The following PREX1 variants were observed in gnomAD, a reference collection of about 807,000 sequenced individuals.
PREX1 encodes phosphatidylinositol-3,4,5-trisphosphate dependent Rac exchange factor 1, also known as phosphatidylinositol 3,4,5-trisphosphate-dependent Rac exchanger 1 protein.
In PREX1, 41 loss-of-function variants were observed where a neutral mutation model predicts 198.3. The observed-to-expected ratio is 0.21, with a 90% confidence interval of 0.16 to 0.27. The LOEUF (loss-of-function observed/expected upper bound fraction) is 0.27, where lower values mean the gene tolerates loss of function less well. Among genes scored for constraint, PREX1 ranks in the 10% least tolerant of loss-of-function variants. PREX1 has a pLI of 1.00. For missense variants in PREX1, 1,620 were observed against 2,200.7 expected (o/e 0.74, Z 5.28); for synonymous variants, 843 against 887.2 (o/e 0.95, Z 0.89).
intron 1 of PREX1, among the ~76,000 whole-genome samples, chr20:48,770,936 G>A (rs1384280615): frequency 6.6e-6 from 1 of 152,204 alleles, no homozygotes; most frequent in African/African-American, 2.4e-5. Context: ...CTGGGCATCT[G>A]CCTTGTTAAC....
At chr20:48,767,470 C>A (rs2090214026) in intron 1 of PREX1, among the ~76,000 whole-genome samples, 1 of 152,162 alleles carries the variant, frequency 6.6e-6, no homozygotes, top group Non-Finnish European at 1.5e-5. Context: ...CAAGTCCCCA[C>A]CTGTCAGCGG....
At chr20:48,753,237 G>A (rs1371839730) in intron 1 of PREX1, among the ~76,000 whole-genome samples, 2 of 152,140 alleles carry the variant, frequency 1.3e-5, no homozygotes, top group Non-Finnish European at 2.9e-5. Flanking sequence ...TCTCCAACAA[G>A]CTCCCACTTA....
In PREX1 at chr20:48,642,245, T is replaced by C. The variant is rs142540700; in HGVS notation, c.3698A>G (p.Asn1233Ser). 3.1e-4 allele frequency: 508 copies of C among 1,614,180 alleles called. 2 individuals carry two copies. Among genetic ancestry groups the C allele is most frequent in the African/African-American group, 2.3e-3 (172 of 75,044 alleles). Reference protein sequence around the residue: ...EHLFNQVDSINALLKGPVMSR... With the variant: ...EHLFNQVDSISALLKGPVMSR... ...CATGACTGGCCCCTTGAGGAGAGCATTGATGGAGTCCACCTGGGTGGCAAG... is the reference window on the plus strand; with the variant it reads ...CATGACTGGCCCCTTGAGGAGAGCACTGATGGAGTCCACCTGGGTGGCAAG... Residue 1233 changes from asparagine to serine, a missense_variant, in exon 29 of 40, where the codon AAT (asparagine) becomes AGT (serine). By Grantham distance (46) the Asn-to-Ser change is conservative (BLOSUM62 1). Transcript: ENST00000371941.
chr20:48,785,115 T>A (rs1157596720), intron 1 of PREX1, among the ~76,000 whole-genome samples: 7 of 152,306 alleles, frequency 4.6e-5, no homozygotes, highest in South Asian at 4.1e-4. Flanking sequence ...GGTTTCACCA[T>A]GTTGGCCAGG....
intron 1 of PREX1, among the ~76,000 whole-genome samples, chr20:48,800,648 G>A (rs1019559229): frequency 2.0e-5 from 3 of 152,094 alleles, no homozygotes; most frequent in African/African-American, 7.2e-5. Context: ...GCGTAAAAGG[G>A]AGTACAGCCT....
At chr20:48,835,493 A>G in the PREX1 span, among the ~76,000 whole-genome samples, 1 of 152,220 alleles carries the variant, frequency 6.6e-6, no homozygotes, top group East Asian at 1.9e-4. Context: ...TGGGGCCAGC[A>G]CATGCCTGGA....
chr20:48,830,200 C>CA (rs1170124088), upstream of PREX1, among the ~76,000 whole-genome samples: 2 of 152,086 alleles, frequency 1.3e-5, no homozygotes, highest in Non-Finnish European at 2.9e-5. Flanking sequence ...CCTGTCTCTA[C>CA]AAAAAAATTT....
intron 1 of PREX1, among the ~76,000 whole-genome samples, chr20:48,748,167 G>A (rs73118616): frequency 1.3e-5 from 2 of 152,094 alleles, no homozygotes; most frequent in Non-Finnish European, 2.9e-5. Context: ...CCCTGCCTTC[G>A]AGGAACCTTT....
At chr20:48,652,967 A>AAC (rs1350821314) in intron 20 of PREX1, among the ~76,000 whole-genome samples, 1 of 152,118 alleles carries the variant, frequency 6.6e-6, no homozygotes, top group Non-Finnish European at 1.5e-5. Flanking sequence ...GCAGGTGCCC[A>AAC]ACACACACAC....
chr20:48,676,558 G>A (rs527752716), intron 13 of PREX1, among the ~76,000 whole-genome samples: 24 of 152,364 alleles, frequency 1.6e-4, no homozygotes, highest in Admixed American at 5.2e-4. Context: ...TCAGCTGGGG[G>A]TGATTTTGCC....
intron 15 of PREX1, among the ~76,000 whole-genome samples, chr20:48,665,260 C>G (rs797008232): frequency 6.1e-4 from 87 of 141,710 alleles, no homozygotes; most frequent in African/African-American, 2.2e-3. Flanking sequence ...ATTCTAATCC[C>G]GCCCCAGACG....
chr20:48,829,740 G>A (rs1291590214), upstream of PREX1, among the ~76,000 whole-genome samples: 1 of 152,016 alleles, frequency 6.6e-6, no homozygotes, highest in Non-Finnish European at 1.5e-5. Flanking sequence ...AATTAATTCT[G>A]TCTACCACGA....
intron 1 of PREX1, among the ~76,000 whole-genome samples, chr20:48,826,858 CA>C (rs973646199): frequency 1.3e-5 from 2 of 151,770 alleles, no homozygotes; most frequent in Admixed American, 1.3e-4. Flanking sequence ...GACTCCGTCT[CA>C]AAAAAAAATT....
intron 17 of PREX1, 96 bp downstream of exon 17, chr20:48,658,040 G>A (rs1425307713): frequency 8.2e-7 from 1 of 1,214,116 alleles, no homozygotes; most frequent in South Asian, 1.4e-5. Context: ...GATCATTCCA[G>A]AATCTCCTGG....
rs200518219 is a variant in PREX1, at chr20:48,627,983, A to T, written c.4767-20T>A. On this transcript the variant is annotated intron_variant, in intron 37 of 39. Coordinates refer to ENST00000371941, the MANE Select transcript of PREX1 (RefSeq NM_020820.4). ...GTGCTCCTGCAGCAGGGGAGGGAGG[A>T]CAGCGGGTTGGCGGTGGGGGGACAG... is the stretch of plus-strand genomic sequence containing the variant. 9.1e-5 allele frequency: 129 copies of T among 1,415,010 alleles called. No homozygotes were observed. In the African/African-American group the frequency reaches 1.5e-3, roughly 17 times the overall value. The allele number at this position is 1,415,010 out of a possible 1,614,324, so 87.7% of individuals were successfully genotyped here. A position where few individuals can be genotyped will look rare whatever the true frequency, so the allele number is the denominator to read the frequency against.
At chr20:48,818,395 A>C (rs773158523) in intron 1 of PREX1, among the ~76,000 whole-genome samples, 6 of 152,246 alleles carry the variant, frequency 3.9e-5, no homozygotes, top group Admixed American at 6.5e-5. Context: ...GAGAGAGCCA[A>C]GAGGGGCAGG....
rs188219008 is a variant in PREX1 at position 48,712,825 on chromosome 20, T to C, written c.622-4404A>G. Among the ~76,000 whole-genome samples the C allele has an allele frequency of 2.7e-3, 416 of 152,324 alleles. 1 individual carries two copies. The highest frequency in any genetic ancestry group is 0.01 in the Middle Eastern group (3 of 294). Reference sequence around the variant, plus strand: ...CTTGCTGTTTCCTCTCCCGGCACACTCCTCAAGATCTCAAGAAGTAACGGC... The same window carrying C: ...CTTGCTGTTTCCTCTCCCGGCACACCCCTCAAGATCTCAAGAAGTAACGGC... On this transcript the variant is annotated intron_variant, in intron 5 of 39. Transcript: ENST00000371941.
chr20:48,640,780 A>AG (rs368915872), intron 29 of PREX1, among the ~76,000 whole-genome samples: 54 of 151,944 alleles, frequency 3.6e-4, no homozygotes, highest in African/African-American at 1.1e-3. Flanking sequence ...AATGGGTAGA[A>AG]GGGTGAAAGA....
intron 14 of PREX1, among the ~76,000 whole-genome samples, chr20:48,675,231 C>A (rs2089700050): frequency 1.3e-5 from 2 of 152,228 alleles, no homozygotes; most frequent in Admixed American, 6.5e-5. Flanking sequence ...CCATCCCTTT[C>A]CCCATGAGAG....
Sources: allele counts gnomAD v4.1 joint callset (sites outside exome capture counted in the v4.1 genomes callset), GRCh38; gene constraint gnomAD v4.1.1; transcripts MANE v1.5; gene names NCBI Gene and HGNC (gene_info 2026-07-23, HGNC 2026-07-21).